Variants in LPIN3 observed in about 807,000 individuals in gnomAD.
LPIN3 encodes the protein lipin 3.
LPIN3 carries 82 observed loss-of-function variants against 94.7 expected under a neutral mutation model. The observed-to-expected ratio is 0.87, with a 90% CI of 0.72 to 1.04. LPIN3 has a LOEUF of 1.04. Among genes scored for constraint, LPIN3 ranks in the 50% least tolerant of loss-of-function variants. The pLI, the probability that LPIN3 is intolerant of heterozygous loss-of-function variation, is 0.00. For synonymous variants in LPIN3, 418 were observed against 443.3 expected (o/e 0.94, Z 0.72); for missense variants, 996 against 1,090.5 (o/e 0.91, Z 1.22).
At chr20:41,357,471 G>T (rs1027684094) in intron 16 of LPIN3, 24 bp downstream of exon 16, 4 of 1,596,562 alleles carry the variant, frequency 2.5e-6, no homozygotes, top group East Asian at 2.2e-5. Context: ...CTGGGGCTGG[G>T]GCTGAGGCGA....
rs1568998526 is a variant in LPIN3 at position 41,349,944 on chromosome 20, G to T, written c.759+50G>T. On this transcript the variant is annotated intron_variant, in intron 6 of 19. Transcript: ENST00000373257. Reference sequence around the variant, plus strand: ...GGCCCGGCCTTTCAGGGGCTCTGTGGCCCCCATGGGTCAGGGTTGGAGGGA... The same window carrying T: ...GGCCCGGCCTTTCAGGGGCTCTGTGTCCCCCATGGGTCAGGGTTGGAGGGA... 2.5e-6 allele frequency: 4 copies of T among 1,582,192 alleles called. No individual in the cohort carries two copies. The South Asian group carries it at 3.4e-5, about 14-fold the overall frequency.
At position 41,358,708 on chromosome 20, in the gene LPIN3, C is replaced by T. The variant is rs2046304754; in HGVS notation, c.2412-14C>T. On this transcript the variant is annotated splice_polypyrimidine_tract_variant and intron_variant, in intron 19 of 19. Transcript: ENST00000373257. ...GGCAGCTCAGGCTCAGTGCTGGCCC[C>T]CTTCTGCCTGTAGGTATGAGCGGCT... The T allele has an allele frequency of 1.2e-6, 2 of 1,613,630 alleles. No individual in the cohort carries two copies. Among genetic ancestry groups the T allele is most frequent in the East Asian group, 4.5e-5 (2 of 44,878 alleles).
Position 41,357,960 on chromosome 20 carries a change from G to C in LPIN3, c.2118G>C (p.Val706=). 6.2e-7 allele frequency: 1 copy of C among 1,613,820 alleles called. No individual in the cohort carries two copies. Among genetic ancestry groups the C allele is most frequent in the Non-Finnish European group, 8.5e-7 (1 of 1,179,896 alleles). Residue 706 remains valine (V), a synonymous_variant, in exon 17 of 20, where the codon GTG becomes GTC. Transcript: ENST00000373257. ...ADLTKGYLQW[V]SEGGCSLPKG... is the part of the protein sequence containing the mutation. Reference sequence around the variant, plus strand: ...TCACCAAGGGGTACCTGCAGTGGGTGAGCGAGGGGGGCTGTAGCCTCCCCA... The same window carrying C: ...TCACCAAGGGGTACCTGCAGTGGGTCAGCGAGGGGGGCTGTAGCCTCCCCA...
chr20:41,354,798 C>T (rs767519373), intron 12 of LPIN3, 22 bp from the exon 13 acceptor site: 2 of 1,611,952 alleles, frequency 1.2e-6, no homozygotes, highest in African/African-American at 2.7e-5. Context: ...GTGGGATTCA[C>T]TAATGGATGT....
chr20:41,358,203 GC>G, intron 17 of LPIN3, 33 bp from the exon 18 acceptor site: 1 of 1,607,524 alleles, frequency 6.2e-7, no homozygotes. Flanking sequence ...CCCTACTTTG[GC>G]CCCCTTCCCT....
chr20:41,350,214 C>G lies in LPIN3; in HGVS notation c.919C>G (p.Leu307Val). Residue 307 changes from leucine to valine, a missense_variant, in exon 7 of 20, where the codon CTT (leucine) becomes GTT (valine). Transcript: ENST00000373257. ...PIQQTEAGAD[L>V]QPDTEDPTLV... is the part of the protein sequence containing the mutation. Reference sequence around the variant, plus strand: ...CCAGCAAACAGAGGCTGGTGCCGACCTTCAGCCTGACACAGAGGATCCCAC... The same window carrying G: ...CCAGCAAACAGAGGCTGGTGCCGACGTTCAGCCTGACACAGAGGATCCCAC... 1 of 1,613,656 alleles carries G rather than the reference C, an allele frequency of 6.2e-7. No individual in the cohort carries two copies. The highest frequency in any genetic ancestry group is 1.3e-5 in the African/African-American group (1 of 75,074).
At chr20:41,353,408 A>C (rs145240785) in intron 11 of LPIN3, among the ~76,000 whole-genome samples, 112 of 152,342 alleles carry the variant, frequency 7.4e-4, no homozygotes, top group African/African-American at 2.5e-3. Context: ...GAAGTTAACC[A>C]AAGACTCATC....
chr20:41,353,966 T>G (rs1173389627), intron 11 of LPIN3, among the ~76,000 whole-genome samples: 2 of 152,106 alleles, frequency 1.3e-5, no homozygotes, highest in African/African-American at 4.8e-5. Flanking sequence ...GAGAGACCCC[T>G]ACCCCACCAG....
Position 41,346,347 on chromosome 20 carries a change from G to A in LPIN3, c.192+352G>A, listed in dbSNP as rs547751748. Among the ~76,000 whole-genome samples the A allele has an allele frequency of 8.5e-5, 13 of 152,270 alleles. No homozygotes were observed. In the South Asian group the frequency reaches 2.5e-3, roughly 29 times the overall value. On this transcript the variant is annotated intron_variant, in intron 2 of 19. Coordinates refer to ENST00000373257, the MANE Select transcript of LPIN3 (RefSeq NM_022896.3). ...CTGCACAAATGGATATGATTTTATC[G>A]GCCTAATGATGCTGGTGGGACAAGT... is the stretch of plus-strand genomic sequence containing the variant.
intron 11 of LPIN3, among the ~76,000 whole-genome samples, chr20:41,354,438 T>C (rs1326605185): frequency 1.3e-5 from 2 of 152,144 alleles, no homozygotes; most frequent in African/African-American, 2.4e-5. Context: ...GAATAGCCCT[T>C]GGTCTTTTGA....
intron 2 of LPIN3, among the ~76,000 whole-genome samples, chr20:41,347,096 A>G (rs574785751): frequency 1.3e-5 from 2 of 152,340 alleles, no homozygotes; most frequent in Admixed American, 6.5e-5. Context: ...AGATTAAATG[A>G]GATAATCTAT....
intron 1 of LPIN3, among the ~76,000 whole-genome samples, chr20:41,343,000 G>A (rs2045642595): frequency 6.6e-6 from 1 of 152,066 alleles, no homozygotes; most frequent in Non-Finnish European, 1.5e-5. Context: ...GGGCAATTTT[G>A]TCCCCCAGGA....
At chr20:41,355,302 C>T (rs753995891) in intron 13 of LPIN3, among the ~76,000 whole-genome samples, 1 of 152,128 alleles carries the variant, frequency 6.6e-6, no homozygotes, top group African/African-American at 2.4e-5. Flanking sequence ...CGTGAGCCAC[C>T]GCAAGCACTT....
Position 41,358,629 on chromosome 20 carries a change from G to T in LPIN3, c.2411+87G>T, listed in dbSNP as rs142288721. 7,014 of 1,602,702 alleles carry T rather than the reference G, an allele frequency of 4.4e-3. 86 individuals carry two copies. The highest frequency in any genetic ancestry group is 0.031 in the East Asian group (1,378 of 44,762). On this transcript the variant is annotated intron_variant, in intron 19 of 19. Coordinates refer to ENST00000373257, the MANE Select transcript of LPIN3 (RefSeq NM_022896.3). ...CTGGGCCCCAATTTTACCTCTTACC[G>T]GGGAGTCTGTCCCTTACTCTGGGAC...
chr20:41,355,247 A>G (rs1392040149), intron 13 of LPIN3, among the ~76,000 whole-genome samples: 6 of 152,218 alleles, frequency 3.9e-5, no homozygotes, highest in Non-Finnish European at 5.9e-5. Context: ...TTCTGACCTC[A>G]GGTGATCTGC....
rs2045551667 is a variant in LPIN3, at chr20:41,340,875, C to T, written c.-136C>T. ...ATCGTAGAAGGAGTGGAGCCGTGCTCTCACCCTGTCTTAGAGGACCCGGAA... is the reference window on the plus strand; with the variant it reads ...ATCGTAGAAGGAGTGGAGCCGTGCTTTCACCCTGTCTTAGAGGACCCGGAA... On this transcript the variant is annotated 5_prime_UTR_variant, in exon 1 of 20. Coordinates refer to ENST00000373257, the MANE Select transcript of LPIN3 (RefSeq NM_022896.3). 1 of 152,290 alleles carries T rather than the reference C, an allele frequency of 6.6e-6. No homozygotes were observed. Among genetic ancestry groups the T allele is most frequent in the African/African-American group, 2.4e-5 (1 of 41,446 alleles). 9.4% of individuals were successfully genotyped at this position (152,290 alleles called of 1,614,324 possible). A position where few individuals can be genotyped will look rare whatever the true frequency, so the allele number is the denominator to read the frequency against.
chr20:41,348,485 C>A, intron 3 of LPIN3, 134 bp from the exon 4 acceptor site: 1 of 1,374,998 alleles, frequency 7.3e-7, no homozygotes, highest in Non-Finnish European at 9.6e-7. Context: ...AGGCTGGTGC[C>A]TCCACACCTG....
Position 41,357,903 on chromosome 20 carries a change from C to T in LPIN3, c.2061C>T (p.Tyr687=), listed in dbSNP as rs759601577. The T allele has an allele frequency of 1.9e-6, 3 of 1,614,158 alleles. No individual in the cohort carries two copies. The South Asian group carries it at 3.3e-5, about 18-fold the overall frequency. The change falls in exon 17 of 20, where the codon TAC becomes TAT. Residue 687 remains tyrosine, a synonymous_variant. Transcript: ENST00000373257. ...TCAGAAATGGGTACAAGTTCCTGTA[C>T]TGCTCGGCGCGGGCCATTGGCATGG... ...KIQLNGYKFL[Y]CSARAIGMAD...
At position 41,358,313 on chromosome 20, in the gene LPIN3, G is replaced by A. The variant is rs769935976; in HGVS notation, c.2269G>A (p.Gly757Arg). The change falls in exon 18 of 20, where the codon GGA becomes AGA. Residue 757 changes from glycine to arginine, a missense_variant. Coordinates refer to ENST00000373257, the MANE Select transcript of LPIN3 (RefSeq NM_022896.3). ...SDIQQLFLPHGQPFYAAFGNR... is the reference protein window; with the variant it reads ...SDIQQLFLPHRQPFYAAFGNR... ...CATCCAGCAGCTGTTTCTGCCCCACGGACAGCCCTTCTATGCTGCCTTTGG... is the reference window on the plus strand; with the variant it reads ...CATCCAGCAGCTGTTTCTGCCCCACAGACAGCCCTTCTATGCTGCCTTTGG... 1.4e-5 allele frequency: 23 copies of A among 1,614,026 alleles called. No homozygotes were observed. In the Admixed American group the frequency reaches 2.0e-4, roughly 14 times the overall value.
Sources: gnomAD v4.1 joint callset for allele counts (sites outside exome capture counted in the v4.1 genomes callset) on GRCh38, gnomAD v4.1.1 for gene constraint, MANE v1.5 for transcripts, NCBI Gene and HGNC (gene_info 2026-07-23, HGNC 2026-07-21) for gene names.